Variants in SLBP observed in about 807,000 individuals in gnomAD.
The protein encoded by SLBP is stem-loop histone mRNA binding protein.
Under a neutral mutation model 39.2 loss-of-function variants are expected in SLBP, and 29 were observed. That is an observed-to-expected ratio of 0.74 (90% CI 0.55 to 1.01). The LOEUF is 1.01. SLBP is among the 50% of genes least tolerant of loss of function. The pLI, the probability that SLBP is intolerant of heterozygous loss-of-function variation, is 0.00. For synonymous variants in SLBP, 129 were observed against 118.7 expected (o/e 1.09, Z -0.57); for missense variants, 390 against 350.2 (o/e 1.11, Z -0.91).
At chr4:1,702,610 C>G (rs1249432338) in intron 3 of SLBP, among the ~76,000 whole-genome samples, 1 of 152,190 alleles carries the variant, frequency 6.6e-6, no homozygotes, top group African/African-American at 2.4e-5. Flanking sequence ...GTCCTTGCAA[C>G]TGGGTTTGAG....
intron 3 of SLBP, among the ~76,000 whole-genome samples, chr4:1,701,672 C>T (rs574225341): frequency 9.2e-5 from 14 of 152,114 alleles, no homozygotes; most frequent in Non-Finnish European, 1.9e-4. Context: ...TTTGGGAGGC[C>T]GAGGCGGGCA....
At chr4:1,708,559 G>A (rs991095156) in intron 2 of SLBP, among the ~76,000 whole-genome samples, 3 of 152,180 alleles carry the variant, frequency 2.0e-5, no homozygotes, top group Non-Finnish European at 4.4e-5. Context: ...GTATCAAGAG[G>A]TTCAAGTCTG....
chr4:1,698,465 CAAA>C (rs1716203872), intron 5 of SLBP, among the ~76,000 whole-genome samples: 1 of 146,040 alleles, frequency 6.8e-6, no homozygotes, highest in African/African-American at 2.5e-5. Flanking sequence ...AGCTATGTTC[CAAA>C]AAAGTAAAAA....
chr4:1,711,834 A>G, intron 2 of SLBP, 40 bp downstream of exon 2: 1 of 1,134,344 alleles, frequency 8.8e-7, no homozygotes, highest in Non-Finnish European at 1.1e-6. Flanking sequence ...GGCCTCGTCA[A>G]GGGCCCCACC....
rs1218031318 is a variant in SLBP at position 1,711,575 on chromosome 4, C to T, written c.176+299G>A. ...GGTGTCCCTGACTTCCACGTGTTCA[C>T]GAGAAGCTCGTCAGAGACCCTGACC... On this transcript the variant is annotated intron_variant, in intron 2 of 7. Transcript: ENST00000489418. 3.9e-5 allele frequency among the ~76,000 whole-genome samples: 6 copies of T among 152,218 alleles called. No homozygotes were observed. In the East Asian group the frequency reaches 1.2e-3, roughly 29 times the overall value.
chr4:1,703,568 A>C, intron 3 of SLBP, 28 bp downstream of exon 3: 1 of 1,365,036 alleles, frequency 7.3e-7, no homozygotes, highest in Non-Finnish European at 1.1e-6. Context: ...CCACAGATTA[A>C]CACTTCAAGG....
chr4:1,698,365 A>C (rs888025830), intron 5 of SLBP, among the ~76,000 whole-genome samples: 1 of 151,338 alleles, frequency 6.6e-6, no homozygotes. Flanking sequence ...GACATGATAT[A>C]ACACTGCACT....
chr4:1,709,388 C>G (rs375909369), intron 2 of SLBP, among the ~76,000 whole-genome samples: 1 of 152,146 alleles, frequency 6.6e-6, no homozygotes, highest in Admixed American at 6.5e-5. Context: ...ATGCTCAGAG[C>G]GAGACCTGCT....
intron 2 of SLBP, among the ~76,000 whole-genome samples, chr4:1,704,931 T>C (rs997179351): frequency 4.6e-5 from 7 of 152,134 alleles, no homozygotes; most frequent in Non-Finnish European, 4.4e-5. Context: ...CCATTCTTTT[T>C]TTTTTTTCTT....
chr4:1,697,370 G>A (rs1209726211), intron 5 of SLBP, among the ~76,000 whole-genome samples: 1 of 151,954 alleles, frequency 6.6e-6, no homozygotes, highest in Non-Finnish European at 1.5e-5. Context: ...TCGGGAGGCT[G>A]AGGCAGGAGA....
chr4:1,701,220 A>C (rs1210618082), intron 3 of SLBP, among the ~76,000 whole-genome samples: 1 of 140,734 alleles, frequency 7.1e-6, no homozygotes, highest in African/African-American at 2.6e-5. Context: ...ATCTCGGCTC[A>C]GTGCAACCTC....
rs778720683 is a variant in SLBP at position 1,696,251 on chromosome 4, G to A, written c.580C>T (p.Leu194=). Residue 194 remains leucine (L), a synonymous_variant, in exon 6 of 8, where the codon CTG becomes TTG. Coordinates refer to ENST00000489418, the MANE Select transcript of SLBP (RefSeq NM_006527.4). ...DQQIKLWKVA[L]HFWDPPAEEG... ...TCCGCTGGAGGATCCCAAAAATGCA[G>A]AGCCACCTTCCAGAGTTTGATTTGC... is the stretch of plus-strand genomic sequence containing the variant. 1.0e-5 allele frequency: 16 copies of A among 1,602,550 alleles called. No homozygotes were observed. The highest frequency in any genetic ancestry group is 3.3e-4 in the Middle Eastern group (2 of 6,060).
chr4:1,700,834 G>A (rs1716297605), intron 3 of SLBP, among the ~76,000 whole-genome samples: 1 of 152,088 alleles, frequency 6.6e-6, no homozygotes, highest in Admixed American at 6.6e-5. Context: ...CAAAAGTACT[G>A]AGATCAGGAG....
intron 2 of SLBP, among the ~76,000 whole-genome samples, chr4:1,710,977 G>A (rs1716741165): frequency 6.6e-6 from 1 of 151,318 alleles, no homozygotes; most frequent in Non-Finnish European, 1.5e-5. Flanking sequence ...CTTGAACCCG[G>A]GAGGGGGAGG....
rs1370462919 is a variant in SLBP at position 1,696,323 on chromosome 4, T to C, written c.508A>G (p.Lys170Glu). The C allele has an allele frequency of 1.9e-6, 3 of 1,592,918 alleles. No individual in the cohort carries two copies. Among genetic ancestry groups the C allele is most frequent in the Non-Finnish European group, 2.6e-6 (3 of 1,170,486 alleles). ...TACTTCTTAAATTTATTAGGGGTCT[T>C]GGGATGAATGCCAGGTTGTCGAAGG... is the stretch of plus-strand genomic sequence containing the variant. ...RHLRQPGIHP[K>E]TPNKFKKYSR... is the part of the protein sequence containing the mutation. Residue 170 changes from lysine (K) to glutamate (E), a missense_variant, in exon 6 of 8, where the codon AAG becomes GAG. Coordinates refer to ENST00000489418, the MANE Select transcript of SLBP (RefSeq NM_006527.4).
chr4:1,709,922 A>G (rs1457429599), intron 2 of SLBP, among the ~76,000 whole-genome samples: 10 of 150,238 alleles, frequency 6.7e-5, no homozygotes, highest in Admixed American at 6.6e-4. Flanking sequence ...TCTTAAAGTG[A>G]TTGTACTCAA....
intron 2 of SLBP, among the ~76,000 whole-genome samples, chr4:1,706,324 T>C (rs1278172115): frequency 6.6e-6 from 1 of 152,164 alleles, no homozygotes; most frequent in Non-Finnish European, 1.5e-5. Context: ...TCCATTTACC[T>C]TTCGGGCGCA....
chr4:1,700,236 C>A, intron 3 of SLBP, 166 bp from the exon 4 acceptor site: 2 of 418,202 alleles, frequency 4.8e-6, no homozygotes, highest in Non-Finnish European at 4.2e-6. Context: ...TAGTGAGATC[C>A]ACACAACAAA....
intron 2 of SLBP, among the ~76,000 whole-genome samples, chr4:1,710,627 A>T (rs1452706627): frequency 6.6e-6 from 1 of 152,230 alleles, no homozygotes; most frequent in South Asian, 2.1e-4. Flanking sequence ...AGAGAAAAGG[A>T]GCAGGTAGGG....
Sources: gnomAD v4.1 joint callset for allele counts (sites outside exome capture counted in the v4.1 genomes callset) on GRCh38, gnomAD v4.1.1 for gene constraint, MANE v1.5 for transcripts, NCBI Gene and HGNC (gene_info 2026-07-23, HGNC 2026-07-21) for gene names.